SCN8A: variants seen among roughly 807,000 people sequenced by gnomAD.
SCN8A encodes sodium channel protein type 8 subunit alpha.
A neutral mutation model predicts 184.1 loss-of-function variants in SCN8A; 30 were observed. The observed-to-expected ratio is 0.16, with a 90% CI of 0.12 to 0.22. The LOEUF is 0.22. Ranked by LOEUF, SCN8A falls within the 10% of genes least tolerant of loss-of-function variation. The pLI, the probability that SCN8A is intolerant of heterozygous loss-of-function variation, is 1.00. For missense variants in SCN8A, 1,057 were observed against 2,498.9 expected, an observed-to-expected ratio of 0.42 and a Z score of 12.30; for synonymous variants, 852 against 907.0, an observed-to-expected ratio of 0.94 and a Z score of 1.09.
intron 1 of SCN8A, among the ~76,000 whole-genome samples, chr12:51,627,450 C>T (rs749351781): frequency 6.6e-5 from 10 of 152,152 alleles, no homozygotes; most frequent in Non-Finnish European, 1.5e-4. Context: ...GGCACGATCT[C>T]GGCTCACTGC....
chr12:51,605,884 G>A (rs954452513), intron 1 of SCN8A, among the ~76,000 whole-genome samples: 9 of 152,154 alleles, frequency 5.9e-5, no homozygotes, highest in African/African-American at 2.2e-4. Flanking sequence ...TTGGCCATTT[G>A]TATATCTTCT....
chr12:51,793,946 A>C (rs1592166741), intron 25 of SCN8A, among the ~76,000 whole-genome samples: 1 of 152,134 alleles, frequency 6.6e-6, no homozygotes, highest in African/African-American at 2.4e-5. Context: ...GGAGTTCGAG[A>C]CCAGCCTGGC....
intron 14 of SCN8A, among the ~76,000 whole-genome samples, chr12:51,756,505 G>C (rs1334731737): frequency 6.6e-6 from 1 of 152,128 alleles, no homozygotes; most frequent in Non-Finnish European, 1.5e-5. Flanking sequence ...CCTTACTTAA[G>C]CTCTGACTCT....
At position 51,779,322 on chromosome 12, in the gene SCN8A, C is replaced by A. The variant is rs760434456; in HGVS notation, c.3820-1327C>A. ...CTCTCCCCTGAAAAATTCTGTAACT[C>A]TCAGCTCAGGCCCAGGAAGGCATAA... On this transcript the variant is annotated intron_variant, in intron 20 of 26. Coordinates refer to ENST00000627620, the MANE Select transcript of SCN8A (RefSeq NM_001330260.2). 1.2e-3 allele frequency among the ~76,000 whole-genome samples: 190 copies of A among 152,094 alleles called. 2 individuals carry two copies. Among genetic ancestry groups the A allele is most frequent in the Non-Finnish European group, 1.8e-3 (125 of 68,006 alleles).
chr12:51,687,927 A>C (rs1241424332), intron 5 of SCN8A, among the ~76,000 whole-genome samples: 1 of 152,144 alleles, frequency 6.6e-6, no homozygotes. Flanking sequence ...GGGGTGGTGT[A>C]TAGGTTTTGC....
chr12:51,698,840 G>C (rs939820353), intron 6 of SCN8A, among the ~76,000 whole-genome samples: 2 of 152,170 alleles, frequency 1.3e-5, no homozygotes, highest in African/African-American at 2.4e-5. Context: ...GGCATTTCCA[G>C]AATCCTTGGG....
intron 1 of SCN8A, among the ~76,000 whole-genome samples, chr12:51,621,651 T>A (rs959832782): frequency 1.3e-5 from 2 of 152,198 alleles, no homozygotes; most frequent in African/African-American, 4.8e-5. Flanking sequence ...CAGTACAGAT[T>A]TCTTTAATTC....
chr12:51,617,107 T>A (rs1939857240), intron 1 of SCN8A, among the ~76,000 whole-genome samples: 1 of 152,202 alleles, frequency 6.6e-6, no homozygotes, highest in Non-Finnish European at 1.5e-5. Flanking sequence ...TTATCCTGTT[T>A]GGTGATCACT....
intron 2 of SCN8A, among the ~76,000 whole-genome samples, chr12:51,673,851 G>A (rs1941175720): frequency 6.6e-6 from 1 of 152,116 alleles, no homozygotes; most frequent in Non-Finnish European, 1.5e-5. Flanking sequence ...AGTGTTATAG[G>A]GACACACAGG....
rs1215733767 is a variant in SCN8A at position 51,774,371 on chromosome 12, C to T, written c.3819+9C>T. ...ACTTCCTCATTGTGGCTGTAGGTGT[C>T]TTGCTTTCTGTTTCCCACCCCTTCC... is the stretch of plus-strand genomic sequence containing the variant. On this transcript the variant is annotated intron_variant, in intron 20 of 26. Coordinates refer to ENST00000627620, the MANE Select transcript of SCN8A (RefSeq NM_001330260.2). 1 of 1,595,306 alleles carries T rather than the reference C, an allele frequency of 6.3e-7. No individual in the cohort carries two copies. The highest frequency in any genetic ancestry group is 8.5e-7 in the Non-Finnish European group (1 of 1,170,018).
intron 21 of SCN8A, among the ~76,000 whole-genome samples, chr12:51,782,039 T>C (rs2086576660): frequency 6.6e-6 from 1 of 152,212 alleles, no homozygotes; most frequent in South Asian, 2.1e-4. Context: ...GGAATTTTAT[T>C]ATGTTAATTT....
At chr12:51,622,045 A>G (rs1388270324) in intron 1 of SCN8A, among the ~76,000 whole-genome samples, 1 of 152,198 alleles carries the variant, frequency 6.6e-6, no homozygotes. Flanking sequence ...ACCCAATAAC[A>G]TGATCATATA....
chr12:51,599,631 A>G (rs1392737975), intron 1 of SCN8A, among the ~76,000 whole-genome samples: 1 of 152,218 alleles, frequency 6.6e-6, no homozygotes, highest in African/African-American at 2.4e-5. Flanking sequence ...GATCAAAGCT[A>G]TACTGTAGTG....
intron 2 of SCN8A, among the ~76,000 whole-genome samples, chr12:51,676,363 T>G (rs1395343943): frequency 1.3e-5 from 2 of 152,200 alleles, no homozygotes; most frequent in African/African-American, 4.8e-5. Flanking sequence ...CATGGCATAG[T>G]CATTTTTACA....
chr12:51,618,073 T>G (rs1467936573), intron 1 of SCN8A, among the ~76,000 whole-genome samples: 1 of 152,200 alleles, frequency 6.6e-6, no homozygotes, highest in African/African-American at 2.4e-5. Flanking sequence ...CTACCCTGCC[T>G]AGAAGTCTTG....
intron 20 of SCN8A, among the ~76,000 whole-genome samples, chr12:51,777,480 GT>G (rs1937741054): frequency 6.6e-6 from 1 of 151,890 alleles, no homozygotes; most frequent in Non-Finnish European, 1.5e-5. Flanking sequence ...TTGTTTGTTT[GT>G]TTTAGGTTTG....
intron 13 of SCN8A, among the ~76,000 whole-genome samples, chr12:51,747,644 A>G (rs1007001105): frequency 2.6e-5 from 4 of 152,218 alleles, no homozygotes; most frequent in Non-Finnish European, 5.9e-5. Context: ...GTAGATGCTC[A>G]AACAATCTTT....
intron 13 of SCN8A, among the ~76,000 whole-genome samples, chr12:51,750,321 G>A (rs1293219032): frequency 2.6e-5 from 4 of 152,014 alleles, no homozygotes; most frequent in African/African-American, 7.3e-5. Context: ...TAAAAGAGAC[G>A]GAGAAGATAA....
intron 1 of SCN8A, among the ~76,000 whole-genome samples, chr12:51,595,429 T>G (rs1226081559): frequency 6.6e-6 from 1 of 152,208 alleles, no homozygotes; most frequent in Non-Finnish European, 1.5e-5. Context: ...TTAAGTACTA[T>G]GTTAGAGATT....
Sources: allele counts gnomAD v4.1 joint callset (sites outside exome capture counted in the v4.1 genomes callset), GRCh38; gene constraint gnomAD v4.1.1; transcripts MANE v1.5; gene names NCBI Gene and HGNC (gene_info 2026-07-23, HGNC 2026-07-21).